Variants in GNAT3 observed in about 807,000 individuals in gnomAD.
The protein encoded by GNAT3 is guanine nucleotide-binding protein G(t) subunit alpha-3.
A neutral mutation model predicts 37.7 loss-of-function variants in GNAT3; 31 were observed. The ratio of observed to expected loss-of-function variants is 0.82; its 90% CI spans 0.62 to 1.11. GNAT3 has a LOEUF of 1.11. Among genes scored for constraint, GNAT3 ranks in the 50% most tolerant of loss-of-function variants. The pLI is 0.00. For synonymous variants in GNAT3, 138 were observed against 139.8 expected, an observed-to-expected ratio of 0.99 and a Z score of 0.09; for missense variants, 437 against 412.5, an observed-to-expected ratio of 1.06 and a Z score of -0.51.
chr7:80,470,683 A>G (rs1790199769), intron 5 of GNAT3, among the ~76,000 whole-genome samples: 1 of 152,172 alleles, frequency 6.6e-6, no homozygotes, highest in African/African-American at 2.4e-5. Flanking sequence ...ACCTTCCTAT[A>G]TGATTTAAGA....
intron 5 of GNAT3, among the ~76,000 whole-genome samples, chr7:80,473,725 C>A (rs79141136): frequency 2.0e-5 from 3 of 151,896 alleles, no homozygotes; most frequent in African/African-American, 7.3e-5. Flanking sequence ...ATAATATAAC[C>A]GCAATGAAAA....
At chr7:80,498,234 T>C (rs1790770136) in intron 1 of GNAT3, among the ~76,000 whole-genome samples, 1 of 152,114 alleles carries the variant, frequency 6.6e-6, no homozygotes, top group Admixed American at 6.6e-5. Context: ...CCAAAAGTAT[T>C]TCTAAGGCTA....
chr7:80,497,564 ACG>A (rs1790742145), intron 1 of GNAT3, among the ~76,000 whole-genome samples: 2 of 142,732 alleles, frequency 1.4e-5, no homozygotes, highest in African/African-American at 2.6e-5. Flanking sequence ...ATATACATAT[ACG>A]TATATACATA....
intron 5 of GNAT3, among the ~76,000 whole-genome samples, chr7:80,473,789 C>T (rs192321090): frequency 6.6e-6 from 1 of 151,960 alleles, no homozygotes; most frequent in East Asian, 1.9e-4. Flanking sequence ...CTTGTTATTG[C>T]AGTAAATAGT....
At chr7:80,468,581 C>T (rs1455918087) in intron 5 of GNAT3, among the ~76,000 whole-genome samples, 1 of 152,054 alleles carries the variant, frequency 6.6e-6, no homozygotes, top group African/African-American at 2.4e-5. Context: ...ATCATGGTTA[C>T]ATATGAGACC....
At chr7:80,501,105 G>T (rs1158827479) in intron 1 of GNAT3, among the ~76,000 whole-genome samples, 1 of 151,994 alleles carries the variant, frequency 6.6e-6, no homozygotes, top group East Asian at 1.9e-4. Flanking sequence ...CTGTTTGATA[G>T]AATTCCCTTA....
chr7:80,486,220 C>T (rs1341434753), intron 3 of GNAT3, among the ~76,000 whole-genome samples: 1 of 152,024 alleles, frequency 6.6e-6, no homozygotes, highest in African/African-American at 2.4e-5. Flanking sequence ...CTATGTCGTG[C>T]CTGACAACTG....
intron 2 of GNAT3, among the ~76,000 whole-genome samples, chr7:80,493,703 TTTG>T (rs1486381504): frequency 1.9e-3 from 165 of 87,306 alleles, no homozygotes; most frequent in African/African-American, 9.6e-3. Context: ...CCTCCTCCTC[TTTG>T]TTCCTCCTCC....
intron 1 of GNAT3, among the ~76,000 whole-genome samples, chr7:80,505,032 G>T (rs1404315): frequency 0.11 from 16,574 of 152,118 alleles, 971 homozygotes; most frequent in African/African-American, 0.15. Context: ...ATGAAGGAAA[G>T]TAAGAATTTA....
chr7:80,471,331 A>C (rs1220436330), intron 5 of GNAT3, among the ~76,000 whole-genome samples: 1 of 151,612 alleles, frequency 6.6e-6, no homozygotes, highest in Non-Finnish European at 1.5e-5. Flanking sequence ...TCAGAGACAC[A>C]CCCAAGATCA....
intron 1 of GNAT3, among the ~76,000 whole-genome samples, chr7:80,504,002 A>G (rs894214240): frequency 6.6e-6 from 1 of 152,162 alleles, no homozygotes; most frequent in Non-Finnish European, 1.5e-5. Context: ...AAAATTGAGG[A>G]CTGTTTAGTT....
intron 3 of GNAT3, among the ~76,000 whole-genome samples, chr7:80,483,115 A>G (rs1790418819): frequency 6.6e-6 from 1 of 152,144 alleles, no homozygotes; most frequent in African/African-American, 2.4e-5. Flanking sequence ...TACTGATAGC[A>G]GAACTGCAAC....
chr7:80,497,525 T>A (rs1457468934), intron 1 of GNAT3, among the ~76,000 whole-genome samples: 1 of 150,922 alleles, frequency 6.6e-6, no homozygotes, highest in Non-Finnish European at 1.5e-5. Context: ...ATATCTTGTT[T>A]CTCTCTCTAT....
intron 1 of GNAT3, among the ~76,000 whole-genome samples, chr7:80,505,419 T>A (rs549433527): frequency 1.3e-5 from 2 of 152,322 alleles, no homozygotes; most frequent in Non-Finnish European, 2.9e-5. Flanking sequence ...CAGGCTGGAG[T>A]GCAGTGGCAC....
chr7:80,471,768 C>A (rs919333039), intron 5 of GNAT3, among the ~76,000 whole-genome samples: 1 of 152,110 alleles, frequency 6.6e-6, no homozygotes, highest in African/African-American at 2.4e-5. Flanking sequence ...CCATCTCTAG[C>A]ACTTCCGTGA....
intron 5 of GNAT3, among the ~76,000 whole-genome samples, chr7:80,470,309 C>G (rs932258021): frequency 9.2e-5 from 14 of 152,152 alleles, no homozygotes; most frequent in African/African-American, 3.1e-4. Context: ...GCAACCTCCG[C>G]CTTTTGAGTT....
chr7:80,491,935 T>A (rs1790600127), intron 2 of GNAT3, among the ~76,000 whole-genome samples: 1 of 152,020 alleles, frequency 6.6e-6, no homozygotes, highest in African/African-American at 2.4e-5. Flanking sequence ...AAAGCAAAGG[T>A]GCTTTGAACT....
chr7:80,459,372 T>G (rs899422940), intron 7 of GNAT3, among the ~76,000 whole-genome samples: 4 of 152,190 alleles, frequency 2.6e-5, no homozygotes, highest in Admixed American at 2.6e-4. Context: ...TTGAAGAATC[T>G]ACTTCGATAG....
chr7:80,486,032 TATAA>T, intron 3 of GNAT3, among the ~76,000 whole-genome samples: 1 of 152,326 alleles, frequency 6.6e-6, no homozygotes, highest in African/African-American at 2.4e-5. Flanking sequence ...TATGCACTTG[TATAA>T]ATAAATAATT....
Sources: allele counts gnomAD v4.1 joint callset (sites outside exome capture counted in the v4.1 genomes callset), GRCh38; gene constraint gnomAD v4.1.1; transcripts MANE v1.5; gene names NCBI Gene and HGNC (gene_info 2026-07-23, HGNC 2026-07-21).